Variants in RBFOX3 observed in about 807,000 individuals in gnomAD.
RBFOX3 encodes RNA binding protein fox-1 homolog 3.
Under a neutral mutation model 48.7 loss-of-function variants are expected in RBFOX3, and 17 were observed. That is an observed-to-expected ratio of 0.35 (90% CI 0.24 to 0.52). RBFOX3 has a LOEUF of 0.52. Among genes scored for constraint, RBFOX3 ranks in the 20% least tolerant of loss-of-function variants. The pLI is 0.94. For synonymous variants in RBFOX3, 212 were observed against 209.5 expected (o/e 1.01, Z -0.10); for missense variants, 382 against 497.5 (o/e 0.77, Z 2.21).
At chr17:79,308,500 G>A (rs927845827) in intron 2 of RBFOX3, among the ~76,000 whole-genome samples, 7 of 152,174 alleles carry the variant, frequency 4.6e-5, no homozygotes, top group African/African-American at 9.7e-5. Context: ...TGGGGGCAAC[G>A]TCAAGGGGGC....
intron 4 of RBFOX3, among the ~76,000 whole-genome samples, chr17:79,118,322 G>A (rs1052433211): frequency 5.3e-5 from 8 of 152,270 alleles, no homozygotes; most frequent in African/African-American, 1.7e-4. Flanking sequence ...GTGTGCATGC[G>A]TACACACTCG....
At chr17:79,284,728 C>A (rs1001549246) in intron 3 of RBFOX3, among the ~76,000 whole-genome samples, 4 of 151,990 alleles carry the variant, frequency 2.6e-5, no homozygotes, top group African/African-American at 9.7e-5. Flanking sequence ...TTAGTAGAGA[C>A]GAGATTTCAC....
At chr17:79,126,335 G>A (rs1213474316) in intron 4 of RBFOX3, among the ~76,000 whole-genome samples, 2 of 152,210 alleles carry the variant, frequency 1.3e-5, no homozygotes, top group African/African-American at 4.8e-5. Context: ...AGAGCGTGTG[G>A]TGCCCTCATG....
chr17:79,429,620 A>G (rs975595520), intron 2 of RBFOX3, among the ~76,000 whole-genome samples: 2 of 152,024 alleles, frequency 1.3e-5, no homozygotes, highest in Admixed American at 1.3e-4. Flanking sequence ...AGCCCAGGGG[A>G]GCCTGAGGTC....
intron 4 of RBFOX3, among the ~76,000 whole-genome samples, chr17:79,218,925 G>C (rs751074801): frequency 1.1e-4 from 16 of 152,216 alleles, no homozygotes; most frequent in Non-Finnish European, 1.9e-4. Context: ...GGTGACCAGC[G>C]GTGAGCTTGA....
In RBFOX3 at chr17:79,354,550, C is replaced by T. The variant is rs115017009; in HGVS notation, c.-174-46726G>A. On this transcript the variant is annotated intron_variant, in intron 2 of 14. Transcript: ENST00000693108. ...TTTTCAACATTTTTCTCAGAACTAACCCCGGGACAGACTTCACTTCCACCA... is the reference window on the plus strand; with the variant it reads ...TTTTCAACATTTTTCTCAGAACTAATCCCGGGACAGACTTCACTTCCACCA... Among the ~76,000 whole-genome samples, 378 of 152,382 alleles carry T rather than the reference C, an allele frequency of 2.5e-3. 1 individual carries two copies. The highest frequency in any genetic ancestry group is 8.6e-3 in the African/African-American group (359 of 41,600).
intron 1 of RBFOX3, among the ~76,000 whole-genome samples, chr17:79,602,885 A>G (rs1184340567): frequency 1.3e-5 from 2 of 151,936 alleles, no homozygotes; most frequent in African/African-American, 4.8e-5. Flanking sequence ...CTCATGGGAA[A>G]TCCAACTGGC....
At chr17:79,173,245 T>C (rs1290765236) in intron 4 of RBFOX3, among the ~76,000 whole-genome samples, 1 of 152,224 alleles carries the variant, frequency 6.6e-6, no homozygotes. Flanking sequence ...CATACGTACA[T>C]ACTACTAGAA....
At chr17:79,549,779 G>A (rs2090950544) in intron 1 of RBFOX3, among the ~76,000 whole-genome samples, 1 of 152,190 alleles carries the variant, frequency 6.6e-6, no homozygotes, top group Non-Finnish European at 1.5e-5. Context: ...ACAATGGAGA[G>A]GGCTCAGCAG....
At chr17:79,365,344 A>G (rs763067341) in intron 2 of RBFOX3, among the ~76,000 whole-genome samples, 3 of 152,250 alleles carry the variant, frequency 2.0e-5, no homozygotes, top group Non-Finnish European at 4.4e-5. Flanking sequence ...TAATACAACA[A>G]ACTCCTAAAT....
chr17:79,201,322 G>A (rs2056723426), intron 4 of RBFOX3, among the ~76,000 whole-genome samples: 1 of 152,186 alleles, frequency 6.6e-6, no homozygotes, highest in Admixed American at 6.5e-5. Flanking sequence ...AGGGAATGTG[G>A]GGGATGACCT....
intron 4 of RBFOX3, among the ~76,000 whole-genome samples, chr17:79,197,372 TTTTC>T (rs1387759045): frequency 4.2e-5 from 6 of 142,218 alleles, no homozygotes; most frequent in African/African-American, 1.3e-4. Flanking sequence ...CAGATATTTC[TTTTC>T]TTTCTTTCTT....
chr17:79,189,739 C>T (rs1013119489), intron 4 of RBFOX3, among the ~76,000 whole-genome samples: 11 of 152,188 alleles, frequency 7.2e-5, no homozygotes, highest in Admixed American at 2.6e-4. Context: ...CCACCAGCCC[C>T]GAGCCCTCCT....
chr17:79,259,579 T>C (rs892849357), intron 3 of RBFOX3, among the ~76,000 whole-genome samples: 1 of 152,046 alleles, frequency 6.6e-6, no homozygotes, highest in African/African-American at 2.4e-5. Context: ...CCAGGTGAGA[T>C]GGCGTTGCCT....
chr17:79,096,554 G>A (rs1228490632), intron 12 of RBFOX3, 99 bp downstream of exon 12: 4 of 1,068,942 alleles, frequency 3.7e-6, no homozygotes, highest in Non-Finnish European at 5.5e-6. Context: ...GGATGGGATG[G>A]GATGGGAGGA....
At chr17:79,445,141 C>A (rs1555737380) in intron 2 of RBFOX3, among the ~76,000 whole-genome samples, 1 of 152,170 alleles carries the variant, frequency 6.6e-6, no homozygotes, top group Non-Finnish European at 1.5e-5. Context: ...TTTTGTGGAC[C>A]TTTTCATCAG....
chr17:79,250,857 T>C (rs1056901631), intron 3 of RBFOX3, among the ~76,000 whole-genome samples: 14 of 150,514 alleles, frequency 9.3e-5, no homozygotes, highest in African/African-American at 3.4e-4. Flanking sequence ...TCCCTGAGTT[T>C]CGCTCTGCAG....
intron 2 of RBFOX3, among the ~76,000 whole-genome samples, chr17:79,330,482 T>C (rs536476516): frequency 2.0e-5 from 3 of 152,084 alleles, no homozygotes; most frequent in African/African-American, 7.2e-5. Flanking sequence ...CGCTGCAGAA[T>C]CTTGGGTCAT....
chr17:79,473,440 A>T lies in RBFOX3; in HGVS notation c.-175+9014T>A, dbSNP rs1377413101. On this transcript the variant is annotated intron_variant, in intron 2 of 14. Transcript: ENST00000693108. The surrounding 1 kb of genome is among the most constrained non-coding windows in gnomAD (Gnocchi z 4.2). ...ATATTTTGGGACGAGAACCTCGGGT[A>T]AGATAACCTGCTCACATGTGTCATT... is the stretch of plus-strand genomic sequence containing the variant. Among the ~76,000 whole-genome samples the T allele has an allele frequency of 3.9e-5, 6 of 152,360 alleles. No homozygotes were observed. Among genetic ancestry groups the T allele is most frequent in the African/African-American group, 1.4e-4 (6 of 41,578 alleles).
Sources: allele counts gnomAD v4.1 joint callset (sites outside exome capture counted in the v4.1 genomes callset), GRCh38; gene constraint gnomAD v4.1.1; non-coding constraint Gnocchi (gnomAD v3.1); transcripts MANE v1.5; gene names NCBI Gene and HGNC (gene_info 2026-07-23, HGNC 2026-07-21).